Variants in SBF1 observed in about 807,000 individuals in gnomAD.
SBF1 encodes SET binding factor 1.
In SBF1, 65 loss-of-function variants were observed where a neutral mutation model predicts 215.8. The ratio of observed to expected loss-of-function variants is 0.30; its 90% CI spans 0.25 to 0.37. The LOEUF (loss-of-function observed/expected upper bound fraction) is 0.37. Ranked by LOEUF, SBF1 falls within the 10% of genes least tolerant of loss-of-function variation. SBF1 has a pLI of 1.00. For missense variants in SBF1, 2,634 were observed against 2,667.8 expected (o/e 0.99, Z 0.28); for synonymous variants, 1,410 against 1,122.8 (o/e 1.26, Z -5.11).
chr22:50,452,676 C>T (rs1431549242), intron 36 of SBF1, among the ~76,000 whole-genome samples: 1 of 129,042 alleles, frequency 7.7e-6, no homozygotes, highest in African/African-American at 3.0e-5. Context: ...GAACCGAGAT[C>T]GCACCACCGC....
rs1362800889 is a variant in SBF1, at chr22:50,465,090, A to G, written c.1243T>C (p.Phe415Leu). 3 of 1,613,924 alleles carry G rather than the reference A, an allele frequency of 1.9e-6. No individual in the cohort carries two copies. The highest frequency in any genetic ancestry group is 2.5e-6 in the Non-Finnish European group (3 of 1,180,002). Residue 415 changes from phenylalanine to leucine, a missense_variant, in exon 12 of 41, where the codon TTC becomes CTC. Transcript: ENST00000380817. The part of the protein sequence containing the change: ...LGQRGLVEDD[F>L]LMKVLEGMAF... The stretch of plus-strand genomic sequence containing the variant: ...ATGCCCTCCAGCACCTTCATCAGGA[A>G]ATCGTCCTCTACCAGCCCACGCTGG...
chr22:50,446,991 G>A lies in SBF1; in HGVS notation c.*151C>T, dbSNP rs1285715780. 1.3e-6 allele frequency: 1 copy of A among 752,466 alleles called. No homozygotes were observed. The highest frequency in any genetic ancestry group is 2.3e-6 in the Non-Finnish European group (1 of 437,298). 46.6% of individuals were successfully genotyped at this position (752,466 alleles called of 1,614,324 possible). A position where few individuals can be genotyped will look rare whatever the true frequency, so the allele number is the denominator to read the frequency against. ...AGTTAGGGCCGGCCGGGCGGGGCGGGGCGGGGACGGGGGCTGTACACACAA... is the reference window on the plus strand; with the variant it reads ...AGTTAGGGCCGGCCGGGCGGGGCGGAGCGGGGACGGGGGCTGTACACACAA... On this transcript the variant is annotated 3_prime_UTR_variant, in exon 41 of 41. Transcript: ENST00000380817.
intron 1 of SBF1, among the ~76,000 whole-genome samples, chr22:50,473,294 C>T (rs57016867): frequency 0.011 from 1,749 of 152,278 alleles, 20 homozygotes; most frequent in Non-Finnish European, 0.02. Context: ...CAAGACAGCC[C>T]TCAGCCAGCC....
In SBF1 at chr22:50,464,361, C is replaced by T. The variant is rs571417711; in HGVS notation, c.1717G>A (p.Val573Met). Reference sequence around the variant, plus strand: ...GCCTCAAGCATTTTCCCCTCAAACACGTAGGAGATGCAGTTGCGCACAACC... The same window carrying T: ...GCCTCAAGCATTTTCCCCTCAAACATGTAGGAGATGCAGTTGCGCACAACC... Reference protein sequence around the residue: ...LEVVRNCISYVFEGKMLEAKK... With the variant: ...LEVVRNCISYMFEGKMLEAKK... The change falls in exon 15 of 41, where the codon GTG becomes ATG. Residue 573 changes from valine to methionine, a missense_variant. Coordinates refer to ENST00000380817, the MANE Select transcript of SBF1 (RefSeq NM_002972.4). 6.2e-6 allele frequency: 10 copies of T among 1,614,088 alleles called. No homozygotes were observed. The highest frequency in any genetic ancestry group is 1.6e-4 in the Middle Eastern group (1 of 6,062).
intron 36 of SBF1, among the ~76,000 whole-genome samples, chr22:50,452,723 CAAAAAAAAAAAAAAA>C (rs57951967): frequency 2.5e-5 from 1 of 39,540 alleles, no homozygotes; most frequent in Non-Finnish European, 4.0e-5. Flanking sequence ...CTCCATCTCT[CAAAAAAAAAAAAAAA>C]AAAAAAAAAA....
intron 5 of SBF1, chr22:50,467,089 C>T (rs562434904): frequency 3.6e-5 from 21 of 588,882 alleles, no homozygotes; most frequent in African/African-American, 3.5e-4. Flanking sequence ...AAGCTGACAT[C>T]AACATCCAGA....
Position 50,462,283 on chromosome 22 carries a change from C to A in SBF1, c.2318G>T (p.Ser773Ile), listed in dbSNP as rs763014252. Reference sequence around the variant, plus strand: ...CTCCCGAAGTAGGCGGCTCTTGCTGCTGTCCAGGGGCAGGAGGAGGTAGCT... The same window carrying A: ...CTCCCGAAGTAGGCGGCTCTTGCTGATGTCCAGGGGCAGGAGGAGGTAGCT... ...RMSYLLLPLDSSKSRLLRERA... is the reference protein window; with the variant it reads ...RMSYLLLPLDISKSRLLRERA... Residue 773 changes from serine (S) to isoleucine (I), a missense_variant, in exon 19 of 41, where the codon AGC (serine) becomes ATC (isoleucine). Ser to Ile is a moderately radical substitution (Grantham distance 142, BLOSUM62 -2). Coordinates refer to ENST00000380817, the MANE Select transcript of SBF1 (RefSeq NM_002972.4). 1.9e-6 allele frequency: 3 copies of A among 1,613,056 alleles called. No individual in the cohort carries two copies. Among genetic ancestry groups the A allele is most frequent in the Non-Finnish European group, 2.5e-6 (3 of 1,180,018 alleles).
Position 50,464,842 on chromosome 22 carries a change from G to A in SBF1, c.1408C>T (p.Leu470=), listed in dbSNP as rs1267673420. Residue 470 remains leucine (L), a synonymous_variant, in exon 13 of 41, where the codon CTG becomes TTG. Coordinates refer to ENST00000380817, the MANE Select transcript of SBF1 (RefSeq NM_002972.4). ...PQRVLRHVQE[L]AEQLYKNENP... is the part of the protein sequence containing the mutation. ...ACGTTCTTGTAGAGCTGCTCTGCCA[G>A]TTCCTGGACGTGACGCAGGACACGC... 4 of 1,613,574 alleles carry A rather than the reference G, an allele frequency of 2.5e-6. No individual in the cohort carries two copies. Among genetic ancestry groups the A allele is most frequent in the African/African-American group, 1.3e-5 (1 of 74,948 alleles).
intron 1 of SBF1, among the ~76,000 whole-genome samples, chr22:50,472,416 C>G (rs1336635729): frequency 6.6e-6 from 1 of 152,170 alleles, no homozygotes; most frequent in Non-Finnish European, 1.5e-5. Flanking sequence ...GCATCCCGCC[C>G]TGAAGTCCTA....
At position 50,460,088 on chromosome 22, in the gene SBF1, T is replaced by A. The variant is rs1164628585; in HGVS notation, c.3355A>T (p.Ser1119Cys). The change falls in exon 26 of 41, where the codon AGC becomes TGC. Residue 1119 changes from serine (S) to cysteine (C), a missense_variant. By Grantham distance (112) the Ser-to-Cys change is moderately radical (BLOSUM62 -1). Coordinates refer to ENST00000380817, the MANE Select transcript of SBF1 (RefSeq NM_002972.4). ...CAGCAAGCCCTTTCCACCAGGCTGC[T>A]CATGGTCATGCGGTCGGAGGGCTTC... The part of the protein sequence containing the change: ...ALKPSDRMTM[S>C]SLVERACCRD... 1 of 1,613,868 alleles carries A rather than the reference T, an allele frequency of 6.2e-7. No homozygotes were observed. The highest frequency in any genetic ancestry group is 1.1e-5 in the South Asian group (1 of 91,088).
rs2067575167 is a variant in SBF1 at position 50,462,772 on chromosome 22, A to G, written c.1969-55T>C. The G allele has an allele frequency of 1.2e-5, 19 of 1,609,214 alleles. No individual in the cohort carries two copies. In the Admixed American group the frequency reaches 2.7e-4, roughly 23 times the overall value. On this transcript the variant is annotated intron_variant, in intron 17 of 40. Coordinates refer to ENST00000380817, the MANE Select transcript of SBF1 (RefSeq NM_002972.4). ...GATGCAGCCAGGAAGGGCGGCTGGG[A>G]AGGAGACCTCGGCCACCAGGAAGGG...
Position 50,460,419 on chromosome 22 carries a change from C to T in SBF1, c.3147-11G>A, listed in dbSNP as rs73891245. On this transcript the variant is annotated splice_polypyrimidine_tract_variant and intron_variant, in intron 24 of 40. Coordinates refer to ENST00000380817, the MANE Select transcript of SBF1 (RefSeq NM_002972.4). ...TTCCGGGACAGGGTTCTGAGGCCCA[C>T]GAGAGTCAGCAAAGGTGAGAGGAGG... 295 of 1,606,718 alleles carry T rather than the reference C, an allele frequency of 1.8e-4. 2 individuals are homozygous for T. In the African/African-American group the frequency reaches 3.6e-3, roughly 19 times the overall value.
At chr22:50,463,843 T>C (rs980612594) in intron 15 of SBF1, among the ~76,000 whole-genome samples, 12 of 152,124 alleles carry the variant, frequency 7.9e-5, no homozygotes, top group African/African-American at 2.2e-4. Flanking sequence ...AGGGACACCA[T>C]ACAGCCAATG....
chr22:50,464,518 C>T lies in SBF1; in HGVS notation c.1636+16G>A, dbSNP rs772042915. On this transcript the variant is annotated intron_variant, in intron 14 of 40. Coordinates refer to ENST00000380817, the MANE Select transcript of SBF1 (RefSeq NM_002972.4). ...GGCCACGCTCGGGGCCTGCCTTCCC[C>T]TCCCTCATTACGCACTCATGGGGGG... 21 of 1,603,838 alleles carry T rather than the reference C, an allele frequency of 1.3e-5. No homozygotes were observed. In the African/African-American group the frequency reaches 2.7e-4, roughly 20 times the overall value.
chr22:50,461,514 C>A lies in SBF1; in HGVS notation c.2839+9G>T. On this transcript the variant is annotated intron_variant, in intron 22 of 40. Transcript: ENST00000380817. Reference sequence around the variant, plus strand: ...GGGGGCGACAGGGCCAGAGAGTCTGCAGGCTCACCCAGGGGGTCCGTGGGC... The same window carrying A: ...GGGGGCGACAGGGCCAGAGAGTCTGAAGGCTCACCCAGGGGGTCCGTGGGC... 2 of 1,588,232 alleles carry A rather than the reference C, an allele frequency of 1.3e-6. No individual in the cohort carries two copies. The highest frequency in any genetic ancestry group is 2.2e-5 in the South Asian group (2 of 90,114).
chr22:50,461,111 A>G lies in SBF1; in HGVS notation c.2967+48T>C, dbSNP rs1051545352. The G allele has an allele frequency of 7.1e-6, 11 of 1,543,466 alleles. No individual in the cohort carries two copies. The African/African-American group carries it at 1.1e-4, about 15-fold the overall frequency. ...TACAAGAAAGACCGGTTTGCAGGAG[A>G]AAGACCAGGGCGGGGGATGAGAGCC... On this transcript the variant is annotated intron_variant, in intron 23 of 40. Transcript: ENST00000380817.
intron 1 of SBF1, among the ~76,000 whole-genome samples, chr22:50,473,334 G>A (rs1186076346): frequency 1.3e-5 from 2 of 152,144 alleles, no homozygotes; most frequent in Non-Finnish European, 2.9e-5. Context: ...GGCACCCTCT[G>A]CCCCAGGTGG....
intron 19 of SBF1, 27 bp from the exon 20 acceptor site, chr22:50,462,146 T>C (rs911570009): frequency 3.1e-6 from 5 of 1,610,276 alleles, no homozygotes; most frequent in Non-Finnish European, 4.2e-6. Flanking sequence ...ACTGTGGGCA[T>C]GGGCCCTGCC....
chr22:50,457,643 G>A (rs869168012), intron 28 of SBF1, among the ~76,000 whole-genome samples: 7 of 152,276 alleles, frequency 4.6e-5, no homozygotes, highest in African/African-American at 1.7e-4. Context: ...AGGACGGAGA[G>A]CAGCTCAGTC....
Sources: allele counts gnomAD v4.1 joint callset (sites outside exome capture counted in the v4.1 genomes callset), GRCh38; gene constraint gnomAD v4.1.1; transcripts MANE v1.5; gene names NCBI Gene and HGNC (gene_info 2026-07-23, HGNC 2026-07-21).